The following ALDH1A1 variants were observed in gnomAD, a reference collection of about 807,000 sequenced individuals.
ALDH1A1 encodes the protein aldehyde dehydrogenase 1 family member A1.
A neutral mutation model predicts 62.1 loss-of-function variants in ALDH1A1; 19 were observed. The ratio of observed to expected loss-of-function variants is 0.31; its 90% CI spans 0.21 to 0.45. ALDH1A1 has a LOEUF of 0.45. Among genes scored for constraint, ALDH1A1 ranks in the 20% least tolerant of loss-of-function variants. The pLI, the probability that ALDH1A1 is intolerant of heterozygous loss-of-function variation, is 1.00. For synonymous variants in ALDH1A1, 231 were observed against 215.9 expected (o/e 1.07, Z -0.61); for missense variants, 521 against 607.1 (o/e 0.86, Z 1.49).
chr9:72,943,761 G>T (rs1830443027), intron 1 of ALDH1A1, among the ~76,000 whole-genome samples: 1 of 152,080 alleles, frequency 6.6e-6, no homozygotes, highest in African/African-American at 2.4e-5. Flanking sequence ...AGATGAGTTA[G>T]CCATGGCCTC....
chr9:72,923,939 TCAAA>T, intron 7 of ALDH1A1, 76 bp downstream of exon 7: 1 of 977,526 alleles, frequency 1.0e-6, no homozygotes, highest in Admixed American at 2.7e-5. Context: ...AATTGTTGGC[TCAAA>T]AATAGTTACA....
Position 72,924,152 on chromosome 9 carries a change from A to T in ALDH1A1, c.634-20T>A, listed in dbSNP as rs1165682762. 4.5e-6 allele frequency: 7 copies of T among 1,549,976 alleles called. No individual in the cohort carries two copies. The highest frequency in any genetic ancestry group is 6.2e-6 in the Non-Finnish European group (7 of 1,132,324). ...CCCTGCCTAAAAGATAAAAAGTTTA[A>T]AAGTTACAGTATAAGAATTTAATTC... On this transcript the variant is annotated intron_variant, in intron 6 of 12. Coordinates refer to ENST00000297785, the MANE Select transcript of ALDH1A1 (RefSeq NM_000689.5).
At chr9:72,949,785 G>T (rs142554759) in intron 1 of ALDH1A1, among the ~76,000 whole-genome samples, 1,538 of 149,544 alleles carry the variant, frequency 0.01, 21 homozygotes, top group African/African-American at 0.035. Flanking sequence ...ACATTTTGGC[G>T]TTTGAATTCT....
intron 11 of ALDH1A1, among the ~76,000 whole-genome samples, chr9:72,908,540 AAAGAAAAGAAAGAAGAAAGAAAG>A (rs1396071867): frequency 1.2e-5 from 1 of 83,116 alleles, no homozygotes; most frequent in Admixed American, 1.4e-4. Flanking sequence ...AGAAAGAAAG[AAAGAAAAGAAAGAAGAAAGAAAG>A]AAAGAAAGAA....
At position 72,912,448 on chromosome 9, in the gene ALDH1A1, A is replaced by G. The variant is rs571561745; in HGVS notation, c.1036-326T>C. Among the ~76,000 whole-genome samples the G allele has an allele frequency of 3.3e-5, 5 of 152,316 alleles. No individual in the cohort carries two copies. In the South Asian group the frequency reaches 1.0e-3, roughly 32 times the overall value. ...CTCTGGAAGAAATGCCTGTTAATCT[A>G]AATACATTTACCTGGAAACTATTGT... is the stretch of plus-strand genomic sequence containing the variant. On this transcript the variant is annotated intron_variant, in intron 9 of 12. Transcript: ENST00000297785.
chr9:72,922,618 G>T (rs1420343129), intron 7 of ALDH1A1, among the ~76,000 whole-genome samples: 1 of 152,172 alleles, frequency 6.6e-6, no homozygotes, highest in African/African-American at 2.4e-5. Context: ...AAAAAAAAAT[G>T]TGTCGGGCTA....
chr9:72,930,004 G>A (rs8187918), intron 3 of ALDH1A1, among the ~76,000 whole-genome samples: 313 of 152,274 alleles, frequency 2.1e-3, no homozygotes, highest in African/African-American at 7.2e-3. Flanking sequence ...GAATATTTGA[G>A]TAATAAATGG....
intron 12 of ALDH1A1, among the ~76,000 whole-genome samples, chr9:72,903,417 C>G (rs1483407003): frequency 6.6e-6 from 1 of 151,966 alleles, no homozygotes; most frequent in Non-Finnish European, 1.5e-5. Flanking sequence ...GGACTCTGTT[C>G]TCAACTGATC....
rs933469754 is a variant in ALDH1A1 at position 72,909,502 on chromosome 9, G to A, written c.1358+100C>T. 1.0e-5 allele frequency: 12 copies of A among 1,192,652 alleles called. No homozygotes were observed. In the South Asian group the frequency reaches 1.8e-4, roughly 18 times the overall value. 73.9% of individuals were successfully genotyped at this position (1,192,652 alleles called of 1,614,324 possible). On this transcript the variant is annotated intron_variant, in intron 11 of 12. Coordinates refer to ENST00000297785, the MANE Select transcript of ALDH1A1 (RefSeq NM_000689.5). ...CAGCAACTGCTTTTCTAGAAGGATA[G>A]GTAATTCCAAATGAAAAATCCAAGT...
chr9:72,928,325 C>T (rs1830236909), intron 4 of ALDH1A1, among the ~76,000 whole-genome samples: 2 of 152,112 alleles, frequency 1.3e-5, no homozygotes, highest in Non-Finnish European at 2.9e-5. Flanking sequence ...CACATACGTA[C>T]AGATTCACAC....
At chr9:72,926,578 C>G (rs1473638544) in intron 5 of ALDH1A1, among the ~76,000 whole-genome samples, 1 of 152,170 alleles carries the variant, frequency 6.6e-6, no homozygotes, top group African/African-American at 2.4e-5. Flanking sequence ...AGCCTCTTAT[C>G]TAAAGGTAAA....
chr9:72,936,103 G>A (rs941244945), intron 2 of ALDH1A1, among the ~76,000 whole-genome samples: 1 of 152,160 alleles, frequency 6.6e-6, no homozygotes, highest in Non-Finnish European at 1.5e-5. Flanking sequence ...GACCTGATTT[G>A]AAGCTTGGGT....
rs8187978 is a variant in ALDH1A1 at position 72,909,775 on chromosome 9, T to A, written c.1201-16A>T. On this transcript the variant is annotated splice_polypyrimidine_tract_variant and intron_variant, in intron 10 of 12. Coordinates refer to ENST00000297785, the MANE Select transcript of ALDH1A1 (RefSeq NM_000689.5). ...GTCCAAAAATCTATACCACAAGAAA[T>A]AAATAAGTAAAAATAATAGGTTAAA... 1 of 1,577,462 alleles carries A rather than the reference T, an allele frequency of 6.3e-7. No homozygotes were observed. The highest frequency in any genetic ancestry group is 2.2e-5 in the East Asian group (1 of 44,494).
rs1588138655 is a variant in ALDH1A1, at chr9:72,927,303, T to G, written c.443-126A>C. On this transcript the variant is annotated intron_variant, in intron 4 of 12. Transcript: ENST00000297785. The stretch of plus-strand genomic sequence containing the variant: ...AAAACATATATCTGGCCAGGTGTGG[T>G]GGCTCACGCCTGTAATCCCAGCACT... The G allele has an allele frequency of 4.2e-5, 26 of 621,362 alleles. No homozygotes were observed. The East Asian group carries it at 7.6e-4, about 18-fold the overall frequency. 38.5% of individuals were successfully genotyped at this position (621,362 alleles called of 1,614,324 possible).
At chr9:72,915,654 G>T (rs892521344) in intron 9 of ALDH1A1, among the ~76,000 whole-genome samples, 1 of 152,102 alleles carries the variant, frequency 6.6e-6, no homozygotes, top group African/African-American at 2.4e-5. Context: ...GCTTATTTTA[G>T]GGCCTTTAGA....
At chr9:72,927,695 A>G (rs1191288148) in intron 4 of ALDH1A1, among the ~76,000 whole-genome samples, 2 of 152,180 alleles carry the variant, frequency 1.3e-5, no homozygotes, top group African/African-American at 4.8e-5. Context: ...TAATTTTTAG[A>G]AATAGTAAAA....
chr9:72,927,769 T>C (rs953957410), intron 4 of ALDH1A1, among the ~76,000 whole-genome samples: 1 of 152,148 alleles, frequency 6.6e-6, no homozygotes, highest in Admixed American at 6.5e-5. Context: ...TACTGACTTG[T>C]TCTAAAATGT....
chr9:72,945,474 G>C (rs8187888), intron 1 of ALDH1A1, among the ~76,000 whole-genome samples: 7 of 151,942 alleles, frequency 4.6e-5, no homozygotes, highest in African/African-American at 9.7e-5. Context: ...AGGGTGATGA[G>C]AGTCCCCATT....
intron 2 of ALDH1A1, among the ~76,000 whole-genome samples, chr9:72,933,034 GTTC>G (rs1830303538): frequency 6.6e-6 from 1 of 152,180 alleles, no homozygotes; most frequent in African/African-American, 2.4e-5. Context: ...AAATAAAGAT[GTTC>G]TTATGATTAT....
Sources: allele counts gnomAD v4.1 joint callset (sites outside exome capture counted in the v4.1 genomes callset), GRCh38; gene constraint gnomAD v4.1.1; transcripts MANE v1.5; gene names NCBI Gene and HGNC (gene_info 2026-07-23, HGNC 2026-07-21).